Variants in ROBO2 observed in about 807,000 individuals in gnomAD.
ROBO2 encodes roundabout homolog 2.
Under a neutral mutation model 160.8 loss-of-function variants are expected in ROBO2, and 53 were observed. That is an observed-to-expected ratio of 0.33 (90% confidence interval 0.26 to 0.41). ROBO2 has a LOEUF of 0.41. Ranked by LOEUF, ROBO2 falls within the 10% of genes least tolerant of loss-of-function variation. ROBO2 has a pLI of 1.00. For synonymous variants in ROBO2, 664 were observed against 611.7 expected (o/e 1.09, Z -1.26); for missense variants, 1,577 against 1,722.4 (o/e 0.92, Z 1.49).
At chr3:75,940,211 C>T (rs116008057) in intron 2 of ROBO2, among the ~76,000 whole-genome samples, 3 of 151,956 alleles carry the variant, frequency 2.0e-5, no homozygotes, top group East Asian at 1.9e-4. Context: ...GTTAAAAAAA[C>T]GGAAGACAAA....
chr3:77,030,737 G>A (rs1441572881), intron 2 of ROBO2, among the ~76,000 whole-genome samples: 1 of 152,094 alleles, frequency 6.6e-6, no homozygotes, highest in Non-Finnish European at 1.5e-5. Context: ...ATGTATCTCT[G>A]TCCAAATTTC....
At chr3:76,331,672 ATTTT>A (rs1169703077) in intron 2 of ROBO2, among the ~76,000 whole-genome samples, 2 of 149,314 alleles carry the variant, frequency 1.3e-5, no homozygotes, top group African/African-American at 4.9e-5. Flanking sequence ...TTATTGTTCT[ATTTT>A]AAGTAATATT....
intron 1 of ROBO2, among the ~76,000 whole-genome samples, chr3:77,058,551 A>G (rs1333438446): frequency 6.6e-6 from 1 of 152,020 alleles, no homozygotes; most frequent in East Asian, 1.9e-4. Flanking sequence ...TTTGTTTTTG[A>G]GATAGGGTCT....
chr3:77,324,128 C>G (rs1004519316), intron 2 of ROBO2, among the ~76,000 whole-genome samples: 2 of 152,030 alleles, frequency 1.3e-5, no homozygotes, highest in African/African-American at 2.4e-5. Flanking sequence ...AGACTATAAC[C>G]CAGTTCTAAT....
At chr3:77,647,594 T>C (rs1266938112) in exon 26 of ROBO2, 1 of 152,168 alleles carries the variant, frequency 6.6e-6, no homozygotes, top group Admixed American at 6.5e-5. Flanking sequence ...AGAATAAATG[T>C]GACTTTGAAA....
At chr3:77,239,196 T>A (rs2088566811) in intron 2 of ROBO2, among the ~76,000 whole-genome samples, 1 of 152,206 alleles carries the variant, frequency 6.6e-6, no homozygotes, top group African/African-American at 2.4e-5. Context: ...TTCCTTCTGA[T>A]GGTAGGACGT....
At chr3:77,062,393 C>T (rs1169294102) in intron 1 of ROBO2, among the ~76,000 whole-genome samples, 2 of 152,132 alleles carry the variant, frequency 1.3e-5, no homozygotes, top group African/African-American at 4.8e-5. Flanking sequence ...GACTTCCAAA[C>T]CTAGTTCAGA....
At chr3:76,030,849 G>T (rs1017534246) in intron 2 of ROBO2, among the ~76,000 whole-genome samples, 11 of 152,166 alleles carry the variant, frequency 7.2e-5, no homozygotes, top group Non-Finnish European at 1.6e-4. Context: ...TGGCAATACA[G>T]GCTCTTTTTT....
chr3:76,830,866 A>G lies in ROBO2; in HGVS notation c.110-267148A>G, dbSNP rs144597898. Among the ~76,000 whole-genome samples the G allele has an allele frequency of 6.3e-3, 956 of 151,598 alleles. 4 individuals are homozygous for G. The highest frequency in any genetic ancestry group is 0.01 in the Non-Finnish European group (710 of 67,932). On this transcript the variant is annotated intron_variant, in intron 2 of 26. Coordinates refer to the ROBO2 transcript ENST00000487694. ...TAGCAGGGGATGGTGGTATGTGCCT[A>G]CAGTCCCAGCAATTCAAGAGGCTGA...
intron 2 of ROBO2, among the ~76,000 whole-genome samples, chr3:76,567,620 G>GATATATATATATATATAT (rs1201854439): frequency 1.7e-3 from 56 of 33,154 alleles, no homozygotes; most frequent in Non-Finnish European, 2.9e-3. Flanking sequence ...CCAAACTACT[G>GATATATATATATATATAT]ATATATATAT....
At chr3:76,326,049 A>G (rs1384176098) in intron 2 of ROBO2, among the ~76,000 whole-genome samples, 1 of 152,132 alleles carries the variant, frequency 6.6e-6, no homozygotes, top group African/African-American at 2.4e-5. Flanking sequence ...AATCATGAAT[A>G]TGTTATTTTG....
chr3:76,695,494 T>A (rs1171036739), intron 2 of ROBO2, among the ~76,000 whole-genome samples: 1 of 152,192 alleles, frequency 6.6e-6, no homozygotes, highest in Non-Finnish European at 1.5e-5. Flanking sequence ...TAAAGAAGCT[T>A]TATAATGAGA....
Position 76,934,958 on chromosome 3 carries a change from A to ATTTTTTTTTTTT in ROBO2, c.110-163056_110-163055insTTTTTTTTTTTT, listed in dbSNP as rs151316771. Among the ~76,000 whole-genome samples, 12 of 146,814 alleles carry ATTTTTTTTTTTT rather than the reference A, an allele frequency of 8.2e-5. 2 individuals carry two copies. The highest frequency in any genetic ancestry group is 1.0e-4 in the Non-Finnish European group (7 of 67,198). ...TTTTGAAATAATTTCAGGCTTCACA[A>ATTTTTTTTTTTT]ATTTTTTTTTTTTTAGACCATCTCA... On this transcript the variant is annotated intron_variant, in intron 2 of 26. Transcript: ENST00000487694.
chr3:77,502,320 C>T (rs1221726231), intron 5 of ROBO2, among the ~76,000 whole-genome samples: 1 of 152,066 alleles, frequency 6.6e-6, no homozygotes, highest in Admixed American at 6.5e-5. Context: ...ATATAGAAAG[C>T]ACATGTTAAA....
chr3:76,811,784 TCC>T (rs1193713884), intron 2 of ROBO2, among the ~76,000 whole-genome samples: 4 of 38,258 alleles, frequency 1.0e-4, no homozygotes, highest in Admixed American at 5.5e-4. Context: ...CCTCCTTCCT[TCC>T]TTCCTTCCTT....
chr3:77,574,599 T>C (rs2153670724), exon 14 of ROBO2: 1 of 1,613,384 alleles, frequency 6.2e-7, no homozygotes, highest in Non-Finnish European at 8.5e-7. Context: ...GATGCCAAAG[T>C]CCCGACTGAA....
intron 2 of ROBO2, among the ~76,000 whole-genome samples, chr3:76,444,122 C>G (rs898335823): frequency 6.6e-6 from 1 of 151,900 alleles, no homozygotes; most frequent in Non-Finnish European, 1.5e-5. Flanking sequence ...TGCGCCACCA[C>G]GCCCGGCTAA....
At chr3:75,944,267 C>A (rs1266760706) in intron 2 of ROBO2, among the ~76,000 whole-genome samples, 2 of 152,068 alleles carry the variant, frequency 1.3e-5, no homozygotes, top group East Asian at 3.9e-4. Context: ...AGTACGAGAG[C>A]CTGAACCTTG....
At chr3:76,676,075 A>G (rs545740030) in intron 2 of ROBO2, among the ~76,000 whole-genome samples, 1 of 152,160 alleles carries the variant, frequency 6.6e-6, no homozygotes, top group South Asian at 2.1e-4. Flanking sequence ...GAAAGCAAAC[A>G]TGTAGGTTGT....
Sources: gnomAD v4.1 joint callset for allele counts (sites outside exome capture counted in the v4.1 genomes callset) on GRCh38, gnomAD v4.1.1 for gene constraint, MANE v1.5 for transcripts, NCBI Gene and HGNC (gene_info 2026-07-23, HGNC 2026-07-21) for gene names.